SPATA22: variants seen among roughly 807,000 people sequenced by gnomAD.
The protein encoded by SPATA22 is spermatogenesis-associated protein 22.
Under a neutral mutation model 47.8 loss-of-function variants are expected in SPATA22, and 29 were observed. The ratio of observed to expected loss-of-function variants is 0.61; its 90% CI spans 0.45 to 0.83. SPATA22 has a LOEUF of 0.83. SPATA22 is among the 40% of genes least tolerant of loss of function. SPATA22 has a pLI of 0.00. For missense variants in SPATA22, 410 were observed against 421.7 expected, an observed-to-expected ratio of 0.97 and a Z score of 0.24; for synonymous variants, 133 against 140.9, an observed-to-expected ratio of 0.94 and a Z score of 0.40.
upstream of SPATA22, among the ~76,000 whole-genome samples, chr17:3,473,279 G>C (rs2073474240): frequency 6.6e-6 from 1 of 152,124 alleles, no homozygotes; most frequent in Non-Finnish European, 1.5e-5. Context: ...CACAGGGAAG[G>C]AGAAAACTAA....
chr17:3,449,175 T>C (rs1362649962), intron 5 of SPATA22, 26 bp from the exon 6 acceptor site: 1 of 1,470,814 alleles, frequency 6.8e-7, no homozygotes, highest in Admixed American at 2.3e-5. Flanking sequence ...AAAAAAGCAT[T>C]TGTTTCTATA....
At chr17:3,499,185 A>ATAG in intron 1 of SPATA22, 2 of 1,342,844 alleles carry the variant, frequency 1.5e-6, no homozygotes, top group Non-Finnish European at 2.1e-6. Flanking sequence ...AACTGCATAC[A>ATAG]TAGCTCCTAG....
chr17:3,504,740 G>A (rs1415244547), intron 1 of SPATA22, among the ~76,000 whole-genome samples: 1 of 151,920 alleles, frequency 6.6e-6, no homozygotes, highest in African/African-American at 2.4e-5. Context: ...TATTTTTTTA[G>A]TAGAGACGGG....
chr17:3,498,345 C>T (rs1216359063), intron 1 of SPATA22, among the ~76,000 whole-genome samples: 1 of 151,946 alleles, frequency 6.6e-6, no homozygotes, highest in Non-Finnish European at 1.5e-5. Context: ...TTGAAGCAAA[C>T]TCTTTTTTAT....
chr17:3,494,036 GA>G (rs1159066474), intron 1 of SPATA22, among the ~76,000 whole-genome samples: 1 of 64,744 alleles, frequency 1.5e-5, no homozygotes, highest in Non-Finnish European at 3.0e-5. Context: ...CCTTTTTCCA[GA>G]TTTTTTTTTT....
At chr17:3,464,454 T>G (rs2073223257) in intron 3 of SPATA22, among the ~76,000 whole-genome samples, 1 of 135,670 alleles carries the variant, frequency 7.4e-6, no homozygotes, top group African/African-American at 2.7e-5. Flanking sequence ...GTCTGGGATG[T>G]GAGGAGCCCC....
rs377644749 is a variant in SPATA22, at chr17:3,448,976, C to A, written c.503G>T (p.Arg168Leu). 5 of 1,613,754 alleles carry A rather than the reference C, an allele frequency of 3.1e-6. No individual in the cohort carries two copies. The African/African-American group carries it at 4.0e-5, about 13-fold the overall frequency. Reference sequence around the variant, plus strand: ...TCTGAGTAGCTCGGTTTCTTTGTTGCGAGATAAGTTAGGAGGTTCAGGTAT... The same window carrying A: ...TCTGAGTAGCTCGGTTTCTTTGTTGAGAGATAAGTTAGGAGGTTCAGGTAT... ...LRIPEPPNLS[R>L]NKETELLRQT... is the part of the protein sequence containing the mutation. Residue 168 changes from arginine (R) to leucine (L), a missense_variant, in exon 6 of 9, where the codon CGC becomes CTC. Transcript: ENST00000572969.
rs140619892 is a variant in SPATA22, at chr17:3,490,501, G to C, written c.-73-21103C>G. On this transcript the variant is annotated intron_variant, in intron 1 of 8. Transcript: ENST00000541913. The surrounding 1 kb of genome is among the most constrained non-coding windows in gnomAD (Gnocchi z 4.6). ...TAATAACAGAGGGGGTGTGTACTTC[G>C]GTGTCTGTGGGGAGTGAATTCCTCA... 6.6e-6 allele frequency among the ~76,000 whole-genome samples: 1 copy of C among 151,928 alleles called. No homozygotes were observed. The highest frequency in any genetic ancestry group is 2.4e-5 in the African/African-American group (1 of 41,356).
intron 1 of SPATA22, among the ~76,000 whole-genome samples, chr17:3,492,519 C>T (rs920299689): frequency 3.3e-5 from 5 of 152,132 alleles, no homozygotes; most frequent in Non-Finnish European, 5.9e-5. Flanking sequence ...TCCTTCTGTT[C>T]AGAGATAGAG....
chr17:3,446,596 G>T lies in SPATA22; in HGVS notation c.678C>A (p.Thr226=). 1 of 1,541,418 alleles carries T rather than the reference G, an allele frequency of 6.5e-7. No individual in the cohort carries two copies. Among genetic ancestry groups the T allele is most frequent in the Non-Finnish European group, 8.8e-7 (1 of 1,141,656 alleles). ...DIPEDNTLKE[T]SLYQLQFKEK... ...CCTTAAACTGTAACTGATACAATGA[G>T]GTTTCCTTTTGAAAAAATAAGAAAC... is the stretch of plus-strand genomic sequence containing the variant. Residue 226 remains threonine, a synonymous_variant, in exon 7 of 9, where the codon ACC becomes ACA. Transcript: ENST00000572969.
chr17:3,458,337 G>C (rs879308441), intron 5 of SPATA22, among the ~76,000 whole-genome samples: 2 of 151,910 alleles, frequency 1.3e-5, no homozygotes, highest in Non-Finnish European at 2.9e-5. Flanking sequence ...GTGTTGGCGA[G>C]GGTGCAGAAA....
chr17:3,448,666 A>G, intron 6 of SPATA22, 141 bp downstream of exon 6: 1 of 623,008 alleles, frequency 1.6e-6, no homozygotes, highest in Non-Finnish European at 2.6e-6. Flanking sequence ...ATCCACTTCA[A>G]TGGAACTGAA....
chr17:3,473,042 A>G (rs1044447347), upstream of SPATA22, among the ~76,000 whole-genome samples: 2 of 151,410 alleles, frequency 1.3e-5, no homozygotes, highest in Non-Finnish European at 2.9e-5. Flanking sequence ...TTTTGACTTG[A>G]TATCTACATA....
chr17:3,503,880 T>A (rs1280427750), intron 1 of SPATA22, among the ~76,000 whole-genome samples: 2 of 152,200 alleles, frequency 1.3e-5, no homozygotes, highest in Admixed American at 6.5e-5. Flanking sequence ...CTAAGACATA[T>A]AAGCACTTAG....
At chr17:3,456,329 G>A (rs2072996520) in intron 5 of SPATA22, among the ~76,000 whole-genome samples, 1 of 150,754 alleles carries the variant, frequency 6.6e-6, no homozygotes, top group African/African-American at 2.4e-5. Context: ...AAAGAGAGAA[G>A]ACTCAAATAG....
intron 1 of SPATA22, among the ~76,000 whole-genome samples, chr17:3,492,477 G>A (rs137875794): frequency 2.1e-4 from 32 of 152,174 alleles, no homozygotes; most frequent in African/African-American, 7.2e-4. Context: ...TCCCTTTCCC[G>A]CGTCCACATC....
chr17:3,496,554 AGAG>A (rs1218620292), intron 1 of SPATA22, among the ~76,000 whole-genome samples: 1 of 152,132 alleles, frequency 6.6e-6, no homozygotes, highest in East Asian at 1.9e-4. Context: ...ATATCCCTGG[AGAG>A]GAGGAGTGAG....
chr17:3,450,044 G>A (rs2072820855), intron 5 of SPATA22, among the ~76,000 whole-genome samples: 1 of 152,246 alleles, frequency 6.6e-6, no homozygotes. Context: ...TGTAGAGACA[G>A]GGTTTCACCA....
intron 1 of SPATA22, among the ~76,000 whole-genome samples, chr17:3,493,472 A>G (rs2073857548): frequency 6.7e-6 from 1 of 150,152 alleles, no homozygotes; most frequent in African/African-American, 2.5e-5. Flanking sequence ...GAGGCAGGAG[A>G]ATCGCTTGAA....
Sources: allele counts gnomAD v4.1 joint callset (sites outside exome capture counted in the v4.1 genomes callset), GRCh38; gene constraint gnomAD v4.1.1; non-coding constraint Gnocchi (gnomAD v3.1); transcripts MANE v1.5; gene names NCBI Gene and HGNC (gene_info 2026-07-23, HGNC 2026-07-21).